The following ZNF407 variants were observed in gnomAD, a reference collection of about 807,000 sequenced individuals.
The protein encoded by ZNF407 is zinc finger protein 407.
In ZNF407, 17 loss-of-function variants were observed where a neutral mutation model predicts 131.2. The ratio of observed to expected loss-of-function variants is 0.13; its 90% CI spans 0.09 to 0.19. The LOEUF is 0.19. Among genes scored for constraint, ZNF407 ranks in the 10% least tolerant of loss-of-function variants. The pLI is 1.00. For missense variants in ZNF407, 2,681 were observed against 2,830.6 expected, an observed-to-expected ratio of 0.95 and a Z score of 1.20; for synonymous variants, 1,156 against 1,062.0, an observed-to-expected ratio of 1.09 and a Z score of -1.72.
chr18:74,755,579 CTGGTTTTT>C (rs1568199564), intron 3 of ZNF407, among the ~76,000 whole-genome samples: 2 of 13,254 alleles, frequency 1.5e-4, no homozygotes, highest in Non-Finnish European at 2.7e-4. Flanking sequence ...TTCCTCCTTT[CTGGTTTTT>C]TTTTTTTTTT....
rs1984154141 is a variant in ZNF407, at chr18:74,632,396, G to A, written c.1377G>A (p.Met459Ile). 1.2e-6 allele frequency: 2 copies of A among 1,614,034 alleles called. No homozygotes were observed. Among genetic ancestry groups the A allele is most frequent in the African/African-American group, 1.3e-5 (1 of 75,064 alleles). Residue 459 changes from methionine (M) to isoleucine (I), a missense_variant, in exon 2 of 9, where the codon ATG (methionine) becomes ATA (isoleucine). Around this residue, in one of 6 missense-constraint regions of ZNF407, gnomAD observed 1,789 missense variants for 1,748.7 expected, o/e 1.02. Transcript: ENST00000299687. ...IKRGTSETQR[M>I]YMKHLRTQMK... is the part of the protein sequence containing the mutation. ...GAGGTACAAGTGAAACTCAGAGGAT[G>A]TATATGAAACACTTGAGAACACAGA...
intron 3 of ZNF407, among the ~76,000 whole-genome samples, chr18:74,762,058 T>A (rs776345849): frequency 1.4e-4 from 21 of 152,108 alleles, no homozygotes; most frequent in Admixed American, 4.6e-4. Flanking sequence ...TCTCTTTTAG[T>A]TACCTTTTTG....
At chr18:74,814,924 A>G (rs1981932) in intron 4 of ZNF407, among the ~76,000 whole-genome samples, 3,194 of 151,906 alleles carry the variant, frequency 0.021, 141 homozygotes, top group African/African-American at 0.073. Context: ...TTAAAATTCA[A>G]AATATCATAT....
Position 75,064,172 on chromosome 18 carries a change from C to A in ZNF407, c.6451C>A (p.Leu2151Met), listed in dbSNP as rs759772970. ...EISQIIVTEE[L>M]VQAMVQESSG... ...CTCGCAGATCATCGTGACGGAGGAG[C>A]TGGTCCAGGCCATGGTGCAGGAGTC... Residue 2151 changes from leucine (L) to methionine (M), a missense_variant, in exon 9 of 9, where the codon CTG becomes ATG. Coordinates refer to ENST00000299687, the MANE Select transcript of ZNF407 (RefSeq NM_017757.3). The A allele has an allele frequency of 1.9e-4, 312 of 1,604,140 alleles. No individual in the cohort carries two copies. Among genetic ancestry groups the A allele is most frequent in the Non-Finnish European group, 2.6e-4 (307 of 1,175,840 alleles).
intron 8 of ZNF407, among the ~76,000 whole-genome samples, chr18:74,923,432 G>A (rs1466386527): frequency 1.3e-5 from 2 of 151,734 alleles, no homozygotes; most frequent in Admixed American, 1.3e-4. Flanking sequence ...TTTATGCCCA[G>A]CAAATGGTGA....
intron 8 of ZNF407, among the ~76,000 whole-genome samples, chr18:74,960,029 C>A (rs1972320906): frequency 6.6e-6 from 1 of 152,180 alleles, no homozygotes; most frequent in Admixed American, 6.5e-5. Flanking sequence ...ACCCCATTTT[C>A]TAGTGGCTTT....
At position 74,920,497 on chromosome 18, in the gene ZNF407, T is replaced by C; in HGVS notation, c.5250-17T>C. On this transcript the variant is annotated splice_polypyrimidine_tract_variant and intron_variant, in intron 7 of 8. Transcript: ENST00000299687. Reference sequence around the variant, plus strand: ...GTTTGACCTTAATTAGATTTACTTTTCTGTCTTACTTGGTAGGTCAAACTG... The same window carrying C: ...GTTTGACCTTAATTAGATTTACTTTCCTGTCTTACTTGGTAGGTCAAACTG... 3 of 1,557,162 alleles carry C rather than the reference T, an allele frequency of 1.9e-6. No homozygotes were observed. In the African/African-American group the frequency reaches 4.1e-5, roughly 21 times the overall value.
chr18:74,968,431 A>G (rs1972433715), intron 8 of ZNF407, among the ~76,000 whole-genome samples: 2 of 152,154 alleles, frequency 1.3e-5, no homozygotes, highest in Admixed American at 1.3e-4. Flanking sequence ...CCCAAGATTT[A>G]TTCTTTTGTC....
At chr18:74,861,937 T>C (rs1380117246) in intron 4 of ZNF407, among the ~76,000 whole-genome samples, 1 of 152,200 alleles carries the variant, frequency 6.6e-6, no homozygotes, top group Non-Finnish European at 1.5e-5. Context: ...TCAAGTCACA[T>C]AGAGTTACAG....
intron 1 of ZNF407, among the ~76,000 whole-genome samples, chr18:74,626,694 C>G (rs1983800569): frequency 6.6e-6 from 1 of 152,184 alleles, no homozygotes; most frequent in Non-Finnish European, 1.5e-5. Context: ...ATACTACAAC[C>G]CAGCAGTGCA....
chr18:74,634,452 G>A lies in ZNF407; in HGVS notation c.3433G>A (p.Ala1145Thr). The A allele has an allele frequency of 6.2e-7, 1 of 1,613,682 alleles. No homozygotes were observed. ...NLDMSKVLCA[A>T]DSVEVETEEE... ...AGATATGTCTAAAGTGCTCTGCGCT[G>A]CTGACTCTGTAGAAGTTGAGACTGA... The change falls in exon 2 of 9, where the codon GCT (alanine) becomes ACT (threonine). Residue 1145 changes from alanine to threonine, a missense_variant. Ala to Thr is a moderately conservative substitution (Grantham distance 58). Coordinates refer to ENST00000299687, the MANE Select transcript of ZNF407 (RefSeq NM_017757.3).
At chr18:74,785,014 C>A (rs1050892802) in intron 4 of ZNF407, among the ~76,000 whole-genome samples, 4 of 152,314 alleles carry the variant, frequency 2.6e-5, no homozygotes, top group African/African-American at 9.6e-5. Context: ...GTCAGAGATG[C>A]TGTCAGGACA....
intron 3 of ZNF407, among the ~76,000 whole-genome samples, chr18:74,764,095 T>C (rs1481302872): frequency 6.6e-6 from 1 of 152,174 alleles, no homozygotes; most frequent in Non-Finnish European, 1.5e-5. Flanking sequence ...TCCTTCATGT[T>C]TGCTTTGTTT....
chr18:74,926,587 G>T (rs574816227), intron 8 of ZNF407, among the ~76,000 whole-genome samples: 53 of 152,270 alleles, frequency 3.5e-4, no homozygotes, highest in African/African-American at 1.3e-3. Flanking sequence ...GCAATCACCT[G>T]ACGTCAGGAC....
intron 4 of ZNF407, among the ~76,000 whole-genome samples, chr18:74,787,517 C>T (rs1969742365): frequency 6.6e-6 from 1 of 152,202 alleles, no homozygotes; most frequent in South Asian, 2.1e-4. Flanking sequence ...TATGGCTCCT[C>T]TGCGGGGTGG....
chr18:74,634,824 A>G lies in ZNF407; in HGVS notation c.3805A>G (p.Arg1269Gly), dbSNP rs1984364520. The G allele has an allele frequency of 6.2e-7, 1 of 1,613,850 alleles. No individual in the cohort carries two copies. The highest frequency in any genetic ancestry group is 8.5e-7 in the Non-Finnish European group (1 of 1,179,872). Residue 1269 changes from arginine to glycine, a missense_variant, in exon 2 of 9, where the codon AGA (arginine) becomes GGA (glycine). Around this residue, in one of 6 missense-constraint regions of ZNF407, gnomAD observed 1,789 missense variants for 1,748.7 expected, o/e 1.02. Coordinates refer to ENST00000299687, the MANE Select transcript of ZNF407 (RefSeq NM_017757.3). The part of the protein sequence containing the change: ...SAESPVLVVT[R>G]ITREQGNLES... Reference sequence around the variant, plus strand: ...TGAAAGCCCTGTGCTCGTTGTGACAAGAATAACCAGAGAACAGGGAAATCT... The same window carrying G: ...TGAAAGCCCTGTGCTCGTTGTGACAGGAATAACCAGAGAACAGGGAAATCT...
At chr18:74,832,182 C>A (rs1384035183) in intron 4 of ZNF407, among the ~76,000 whole-genome samples, 1 of 152,158 alleles carries the variant, frequency 6.6e-6, no homozygotes, top group African/African-American at 2.4e-5. Flanking sequence ...GATGTTGAGG[C>A]TCCAAGAGGT....
chr18:74,815,277 TAC>T (rs1263344891), intron 4 of ZNF407, among the ~76,000 whole-genome samples: 1 of 152,186 alleles, frequency 6.6e-6, no homozygotes, highest in Non-Finnish European at 1.5e-5. Context: ...ACTATGATCT[TAC>T]TTTGAAAAGT....
chr18:74,865,853 A>T (rs368512175), intron 4 of ZNF407, among the ~76,000 whole-genome samples: 8 of 152,338 alleles, frequency 5.3e-5, no homozygotes, highest in African/African-American at 1.2e-4. Context: ...TTTCCCAATG[A>T]TACCTCACAT....
Sources: gnomAD v4.1 joint callset for allele counts (sites outside exome capture counted in the v4.1 genomes callset) on GRCh38, gnomAD v4.1.1 for gene constraint, gnomAD v4.1.1 regional missense constraint, MANE v1.5 for transcripts, NCBI Gene and HGNC (gene_info 2026-07-23, HGNC 2026-07-21) for gene names.